LIN28B: variants seen among roughly 807,000 people sequenced by gnomAD.
LIN28B encodes lin-28 RNA binding posttranscriptional regulator B.
Under a neutral mutation model 21.9 loss-of-function variants are expected in LIN28B, and 5 were observed. That is an observed-to-expected ratio of 0.23 (90% CI 0.12 to 0.48). The LOEUF (loss-of-function observed/expected upper bound fraction) is 0.48, where lower values mean the gene tolerates loss of function less well. Ranked by LOEUF, LIN28B falls within the 20% of genes least tolerant of loss-of-function variation. The probability of loss-of-function intolerance (pLI) is 0.98; values close to 1 mark genes in which losing one functional copy is unlikely to be tolerated. For missense variants in LIN28B, 245 were observed against 310.5 expected, an observed-to-expected ratio of 0.79 and a Z score of 1.58; for synonymous variants, 109 against 111.3, an observed-to-expected ratio of 0.98 and a Z score of 0.13.
At chr6:105,005,916 A>G (rs1363133917) in intron 2 of LIN28B, among the ~76,000 whole-genome samples, 1 of 152,100 alleles carries the variant, frequency 6.6e-6, no homozygotes, top group Non-Finnish European at 1.5e-5. Context: ...AATTTTCAAG[A>G]GCTCTTTCTT....
At chr6:105,047,133 G>T (rs1425245714) in intron 3 of LIN28B, among the ~76,000 whole-genome samples, 11 of 152,130 alleles carry the variant, frequency 7.2e-5, no homozygotes, top group African/African-American at 2.4e-4. Flanking sequence ...TTTTCTTCTA[G>T]GGTTTTTATG....
At chr6:104,991,132 G>A (rs963870697) in intron 2 of LIN28B, among the ~76,000 whole-genome samples, 1 of 120,064 alleles carries the variant, frequency 8.3e-6, no homozygotes, top group Non-Finnish European at 1.7e-5. Context: ...CCCAGAAGGG[G>A]CGGCCGGGCA....
chr6:104,942,215 G>A (rs1562557435), intron 2 of LIN28B, among the ~76,000 whole-genome samples: 1 of 152,148 alleles, frequency 6.6e-6, no homozygotes, highest in Non-Finnish European at 1.5e-5. Context: ...CTGTGGAAGT[G>A]AAAATTACAC....
chr6:105,029,002 G>A (rs534264295), intron 3 of LIN28B, among the ~76,000 whole-genome samples: 45 of 152,294 alleles, frequency 3.0e-4, no homozygotes, highest in Admixed American at 2.2e-3. Flanking sequence ...TATCAGGTAT[G>A]TTAAATGGTG....
chr6:105,062,303 G>A (rs1772137042), intron 3 of LIN28B, among the ~76,000 whole-genome samples: 1 of 151,974 alleles, frequency 6.6e-6, no homozygotes, highest in Admixed American at 6.6e-5. Context: ...TTGTGTCATT[G>A]TTCTGTTTTG....
chr6:105,050,637 A>AT (rs1037755006), intron 3 of LIN28B, among the ~76,000 whole-genome samples: 1 of 145,806 alleles, frequency 6.9e-6, no homozygotes, highest in Non-Finnish European at 1.5e-5. Context: ...AAAAAAAAGA[A>AT]TGTTGAACAT....
intron 2 of LIN28B, among the ~76,000 whole-genome samples, chr6:104,987,510 A>G (rs1193814264): frequency 1.3e-5 from 2 of 151,830 alleles, no homozygotes; most frequent in South Asian, 4.2e-4. Context: ...TGCCCAGCCA[A>G]ATTTTTTTAT....
intron 3 of LIN28B, among the ~76,000 whole-genome samples, chr6:105,067,474 A>C (rs949944571): frequency 1.3e-5 from 2 of 152,206 alleles, no homozygotes; most frequent in African/African-American, 4.8e-5. Flanking sequence ...TACCCACTGC[A>C]TGTGAGACTG....
intron 2 of LIN28B, among the ~76,000 whole-genome samples, chr6:105,024,943 AG>A (rs1048725804): frequency 3.3e-5 from 5 of 152,192 alleles, no homozygotes; most frequent in African/African-American, 7.2e-5. Flanking sequence ...GAGTTAAAAA[AG>A]ATTTTTAGTT....
intron 3 of LIN28B, among the ~76,000 whole-genome samples, chr6:105,028,549 T>G (rs1771352334): frequency 6.6e-6 from 1 of 152,180 alleles, no homozygotes; most frequent in Non-Finnish European, 1.5e-5. Flanking sequence ...ATGGATTGAT[T>G]AGATTTGGAC....
chr6:105,063,117 T>C (rs1772152246), intron 3 of LIN28B, among the ~76,000 whole-genome samples: 1 of 152,236 alleles, frequency 6.6e-6, no homozygotes. Context: ...TATTGTTTAC[T>C]CATTGATTCA....
intron 3 of LIN28B, among the ~76,000 whole-genome samples, chr6:105,035,042 CA>C (rs1280742022): frequency 6.6e-6 from 1 of 151,804 alleles, no homozygotes; most frequent in Non-Finnish European, 1.5e-5. Context: ...CTCATTATCT[CA>C]GTGGTATAAT....
At chr6:104,992,623 A>C (rs1770515320) in intron 2 of LIN28B, among the ~76,000 whole-genome samples, 1 of 151,778 alleles carries the variant, frequency 6.6e-6, no homozygotes, top group Non-Finnish European at 1.5e-5. Flanking sequence ...CTTCCACCTC[A>C]GCCTGCTGAG....
intron 3 of LIN28B, among the ~76,000 whole-genome samples, chr6:105,055,202 A>C (rs1341148380): frequency 2.0e-5 from 3 of 152,108 alleles, no homozygotes; most frequent in African/African-American, 7.2e-5. Flanking sequence ...GTTTTTCATA[A>C]AACTGGGGAA....
chr6:105,055,594 A>G (rs1486783168), intron 3 of LIN28B, among the ~76,000 whole-genome samples: 1 of 151,708 alleles, frequency 6.6e-6, no homozygotes, highest in Non-Finnish European at 1.5e-5. Context: ...ATATTTCTTT[A>G]TTTTCTTTGA....
intron 2 of LIN28B, among the ~76,000 whole-genome samples, chr6:104,989,583 T>TG (rs1770418011): frequency 1.6e-5 from 2 of 128,880 alleles, no homozygotes; most frequent in African/African-American, 6.1e-5. Flanking sequence ...TGGGTTTTTT[T>TG]TTTTTTTTTT....
chr6:104,981,428 C>CT (rs1770223001), intron 2 of LIN28B, among the ~76,000 whole-genome samples: 1 of 152,160 alleles, frequency 6.6e-6, no homozygotes, highest in Non-Finnish European at 1.5e-5. Context: ...CAAAAGAAAA[C>CT]TAACCGGAAA....
At chr6:105,049,428 G>A (rs1363488778) in intron 3 of LIN28B, among the ~76,000 whole-genome samples, 1 of 152,172 alleles carries the variant, frequency 6.6e-6, no homozygotes, top group African/African-American at 2.4e-5. Context: ...CCAAGTGTGT[G>A]GTCAATTTTG....
intron 2 of LIN28B, among the ~76,000 whole-genome samples, chr6:104,985,050 C>T (rs990843354): frequency 1.3e-5 from 2 of 152,218 alleles, no homozygotes; most frequent in East Asian, 3.9e-4. Flanking sequence ...CCACCATGGC[C>T]AATTTTAAGC....
Sources: gnomAD v4.1 joint callset for allele counts (sites outside exome capture counted in the v4.1 genomes callset) on GRCh38, gnomAD v4.1.1 for gene constraint, MANE v1.5 for transcripts, NCBI Gene and HGNC (gene_info 2026-07-23, HGNC 2026-07-21) for gene names.